Variants in NUDC observed in about 807,000 individuals in gnomAD.
The protein encoded by NUDC is nuclear migration protein nudC.
In NUDC, 14 loss-of-function variants were observed where a neutral mutation model predicts 45.0. That is an observed-to-expected ratio of 0.31 (90% CI 0.21 to 0.49). The LOEUF (loss-of-function observed/expected upper bound fraction) is 0.49, where lower values mean the gene tolerates loss of function less well. NUDC is among the 20% of genes least tolerant of loss of function. The pLI, the probability that NUDC is intolerant of heterozygous loss-of-function variation, is 0.99. For missense variants in NUDC, 323 were observed against 426.2 expected (o/e 0.76, Z 2.13); for synonymous variants, 153 against 156.7 (o/e 0.98, Z 0.17).
chr1:26,928,202 T>G (rs147731543), intron 2 of NUDC, among the ~76,000 whole-genome samples: 1 of 152,256 alleles, frequency 6.6e-6, no homozygotes, highest in African/African-American at 2.4e-5. Flanking sequence ...GGTAATTCAG[T>G]TCAGTAGGCA....
chr1:26,923,964 T>G, intron 1 of NUDC, 125 bp from the exon 2 acceptor site: 1 of 813,956 alleles, frequency 1.2e-6, no homozygotes. Context: ...TCTCCTCAGT[T>G]GGGAAGCTCA....
chr1:26,919,204 C>T (rs2082076866), upstream of NUDC, among the ~76,000 whole-genome samples: 1 of 152,066 alleles, frequency 6.6e-6, no homozygotes, highest in Non-Finnish European at 1.5e-5. Flanking sequence ...CCATCTCAGC[C>T]TTCTGAGTAG....
chr1:26,945,579 G>A lies in NUDC; in HGVS notation c.837G>A (p.Leu279=), dbSNP rs1237266929. 3 of 1,614,118 alleles carry A rather than the reference G, an allele frequency of 1.9e-6. No individual in the cohort carries two copies. The highest frequency in any genetic ancestry group is 8.5e-7 in the Non-Finnish European group (1 of 1,179,950). Residue 279 remains leucine (L), a synonymous_variant, in exon 8 of 9, where the codon CTG becomes CTA. Transcript: ENST00000321265. ...CTGCCTGCCCTCAGCTGTCAGACCT[G>A]GACAGTGAGACTCGCAGCATGGTGG... ...INPENSKLSD[L]DSETRSMVEK...
chr1:26,912,202 C>G, intron 3 of NUDC: 1 of 1,232,388 alleles, frequency 8.1e-7, no homozygotes, highest in Non-Finnish European at 1.1e-6. Flanking sequence ...TTTGCTCGGC[C>G]TTTGAGGTCC....
At chr1:26,913,561 C>T (rs200848350) in intron 3 of NUDC, 2 of 1,614,138 alleles carry the variant, frequency 1.2e-6, no homozygotes, top group African/African-American at 2.7e-5. Context: ...TCCACTGCTG[C>T]TGGGCTCCTC....
At chr1:26,913,839 T>G in intron 3 of NUDC, 1 of 1,508,198 alleles carries the variant, frequency 6.6e-7, no homozygotes, top group Non-Finnish European at 8.9e-7. Flanking sequence ...GGCTACGGGG[T>G]CGGGGGACAG....
intron 3 of NUDC, chr1:26,913,347 AC>A: frequency 1.4e-6 from 2 of 1,476,214 alleles, no homozygotes; most frequent in Non-Finnish European, 1.9e-6. Context: ...CTTAGAAGCT[AC>A]CTTCCCTGGC....
chr1:26,912,100 G>C (rs372780699), intron 3 of NUDC: 2 of 1,612,794 alleles, frequency 1.2e-6, no homozygotes, highest in Non-Finnish European at 1.7e-6. Context: ...TGGGCAGAGA[G>C]GGAGAAGAGG....
intron 2 of NUDC, 120 bp from the exon 3 acceptor site, chr1:26,941,337 C>T: frequency 1.0e-6 from 1 of 964,804 alleles, no homozygotes; most frequent in East Asian, 2.5e-5. Context: ...CATGAGGAAA[C>T]CGAGTTTCTG....
intron 2 of NUDC, 102 bp downstream of exon 2, chr1:26,924,268 A>C: frequency 2.0e-6 from 2 of 986,704 alleles, no homozygotes; most frequent in South Asian, 2.7e-5. Context: ...GCAGAAGCGA[A>C]ATGCCAAAGG....
intron 2 of NUDC, among the ~76,000 whole-genome samples, chr1:26,941,017 G>A (rs1192381553): frequency 1.3e-5 from 2 of 150,000 alleles, no homozygotes; most frequent in East Asian, 2.0e-4. Flanking sequence ...TGCCTCCCAG[G>A]TTCAAGCGAT....
Position 26,941,667 on chromosome 1 carries a change from G to A in NUDC, c.363+7G>A, listed in dbSNP as rs1445638240. 4 of 1,612,460 alleles carry A rather than the reference G, an allele frequency of 2.5e-6. 2 individuals carry two copies. In the South Asian group the frequency reaches 4.4e-5, roughly 18 times the overall value. On this transcript the variant is annotated splice_region_variant and intron_variant, in intron 3 of 8. Transcript: ENST00000321265. ...GCAGCTAGAGATTGACCAGGTGAAGGGTGGGCTTCCCTTCTCCACCCCTCA... is the reference window on the plus strand; with the variant it reads ...GCAGCTAGAGATTGACCAGGTGAAGAGTGGGCTTCCCTTCTCCACCCCTCA...
chr1:26,913,691 G>C lies in NUDC; in HGVS notation c.93+2456G>C, dbSNP rs1327866399. ...CAGCAACCCTGCAGCAGCCGCCGCT[G>C]GTCCTGGGGAGGCAGCTGCCAGAAG... On this transcript the variant is annotated intron_variant, in intron 3 of 6. Coordinates refer to the NUDC transcript ENST00000435827. 4 of 1,611,318 alleles carry C rather than the reference G, an allele frequency of 2.5e-6. No homozygotes were observed. In the African/African-American group the frequency reaches 5.3e-5, roughly 22 times the overall value.
intron 2 of NUDC, among the ~76,000 whole-genome samples, chr1:26,934,760 C>T (rs1335272896): frequency 2.0e-5 from 3 of 146,606 alleles, no homozygotes; most frequent in South Asian, 2.2e-4. Flanking sequence ...CCTGGGTTCA[C>T]GCCATTCTCC....
At chr1:26,917,298 A>G (rs1050145126), upstream of NUDC, among the ~76,000 whole-genome samples, 1 of 150,326 alleles carries the variant, frequency 6.7e-6, no homozygotes, top group Non-Finnish European at 1.5e-5. Flanking sequence ...GTGGGGGTTC[A>G]CACCTGTAAT....
intron 2 of NUDC, 108 bp from the exon 3 acceptor site, chr1:26,941,349 G>T: frequency 3.6e-6 from 4 of 1,109,854 alleles, no homozygotes; most frequent in Non-Finnish European, 5.4e-6. Context: ...GAGTTTCTGG[G>T]TGCAGTGCTT....
chr1:26,921,947 G>C lies in NUDC; in HGVS notation c.81+18G>C. On this transcript the variant is annotated intron_variant, in intron 1 of 8. Transcript: ENST00000321265. ...TGCAGGAGGTAACGGCCCGCGCGGC[G>C]TCGGCCCACCCGGCGGCCTTGGCCA... 2 of 1,548,818 alleles carry C rather than the reference G, an allele frequency of 1.3e-6. No homozygotes were observed. The highest frequency in any genetic ancestry group is 1.7e-6 in the Non-Finnish European group (2 of 1,145,828).
intron 2 of NUDC, among the ~76,000 whole-genome samples, chr1:26,940,418 G>C (rs1290333884): frequency 6.6e-6 from 1 of 151,534 alleles, no homozygotes; most frequent in Admixed American, 6.6e-5. Context: ...GGAGCTTGCA[G>C]TGAGCCAAGA....
At chr1:26,921,252 AG>A (rs1383852812), upstream of NUDC, among the ~76,000 whole-genome samples, 1 of 152,220 alleles carries the variant, frequency 6.6e-6, no homozygotes, top group Non-Finnish European at 1.5e-5. Flanking sequence ...CATGAAATCA[AG>A]CGTGGAGCCT....
Sources: gnomAD v4.1 joint callset for allele counts (sites outside exome capture counted in the v4.1 genomes callset) on GRCh38, gnomAD v4.1.1 for gene constraint, MANE v1.5 for transcripts, NCBI Gene and HGNC (gene_info 2026-07-23, HGNC 2026-07-21) for gene names.